Variants in HLCS observed in about 807,000 individuals in gnomAD.
HLCS encodes holocarboxylase synthetase, also known as biotin--protein ligase.
Under a neutral mutation model 75.0 loss-of-function variants are expected in HLCS, and 53 were observed. The ratio of observed to expected loss-of-function variants is 0.71; its 90% confidence interval spans 0.57 to 0.89. The LOEUF is 0.89. HLCS is among the 40% of genes least tolerant of loss of function. HLCS has a pLI of 0.00. For missense variants in HLCS, 966 were observed against 1,074.0 expected (o/e 0.90, Z 1.41); for synonymous variants, 431 against 428.6 (o/e 1.01, Z -0.07).
intron 6 of HLCS, among the ~76,000 whole-genome samples, chr21:36,833,571 T>G (rs2062291155): frequency 7.3e-6 from 1 of 136,680 alleles, no homozygotes; most frequent in Non-Finnish European, 1.6e-5. Flanking sequence ...AGGGAGAGAG[T>G]TGGAGACTGT....
chr21:36,772,306 G>A (rs1018450439), intron 6 of HLCS, among the ~76,000 whole-genome samples: 14 of 152,110 alleles, frequency 9.2e-5, no homozygotes, highest in East Asian at 7.7e-4. Flanking sequence ...AAACAGTATC[G>A]TAGAATGATT....
intron 6 of HLCS, among the ~76,000 whole-genome samples, chr21:36,874,868 G>T (rs975097964): frequency 6.6e-6 from 1 of 152,098 alleles, no homozygotes; most frequent in African/African-American, 2.4e-5. Context: ...TGCACTCTCG[G>T]GGGTCCAGGA....
intron 2 of HLCS, among the ~76,000 whole-genome samples, chr21:36,961,217 G>A (rs925543466): frequency 1.3e-5 from 2 of 152,236 alleles, no homozygotes; most frequent in Admixed American, 1.3e-4. Context: ...AGACGTTTAG[G>A]ACGTAGGTGG....
intron 5 of HLCS, among the ~76,000 whole-genome samples, chr21:36,924,339 G>C (rs2850120): frequency 0.46 from 69,291 of 152,008 alleles, 16,173 homozygotes; most frequent in Middle Eastern, 0.55. Flanking sequence ...GCAGGTGGAT[G>C]ACCTGAGGTC....
At chr21:36,818,182 G>C (rs1356874954) in intron 6 of HLCS, among the ~76,000 whole-genome samples, 2 of 152,192 alleles carry the variant, frequency 1.3e-5, no homozygotes, top group Non-Finnish European at 2.9e-5. Context: ...AGTCGGTGAG[G>C]GGGGCGGCCA....
chr21:36,820,373 G>C (rs1038115275), intron 6 of HLCS, among the ~76,000 whole-genome samples: 6 of 152,052 alleles, frequency 3.9e-5, no homozygotes, highest in Admixed American at 6.5e-5. Flanking sequence ...AGCCACGGCC[G>C]GGCCGCCGAC....
At chr21:36,930,520 TTA>T in intron 4 of HLCS, 87 bp from the exon 5 acceptor site, 6 of 1,185,630 alleles carry the variant, frequency 5.1e-6, no homozygotes, top group Non-Finnish European at 7.2e-6. Context: ...CTTTTTTTTT[TTA>T]AATTTAGAGA....
intron 6 of HLCS, among the ~76,000 whole-genome samples, chr21:36,855,907 AC>A (rs2063175576): frequency 6.6e-6 from 1 of 152,172 alleles, no homozygotes; most frequent in Admixed American, 6.5e-5. Flanking sequence ...AGAGATATGG[AC>A]ATGCTACAAC....
intron 5 of HLCS, among the ~76,000 whole-genome samples, chr21:36,900,600 G>A (rs1202188851): frequency 1.3e-5 from 2 of 152,148 alleles, no homozygotes; most frequent in Non-Finnish European, 1.5e-5. Context: ...ACCTCTGTTG[G>A]AGCAGGATCA....
At chr21:36,927,206 C>T (rs967290243) in intron 5 of HLCS, among the ~76,000 whole-genome samples, 7 of 152,212 alleles carry the variant, frequency 4.6e-5, no homozygotes, top group Non-Finnish European at 7.3e-5. Context: ...CCAGCTCAGC[C>T]GCCCACAGCC....
At chr21:36,759,616 A>C (rs904147514) in intron 9 of HLCS, 111 bp downstream of exon 9, 3 of 725,770 alleles carry the variant, frequency 4.1e-6, no homozygotes, top group Non-Finnish European at 7.5e-6. Flanking sequence ...CAAGACTCAA[A>C]GTAACCTCAT....
At chr21:36,866,552 A>G (rs1234706286) in intron 6 of HLCS, among the ~76,000 whole-genome samples, 1 of 152,200 alleles carries the variant, frequency 6.6e-6, no homozygotes, top group African/African-American at 2.4e-5. Flanking sequence ...CAGTCTAGGA[A>G]AGGTGGAGTC....
At chr21:36,967,680 G>A (rs887684462), upstream of HLCS, among the ~76,000 whole-genome samples, 4 of 152,222 alleles carry the variant, frequency 2.6e-5, no homozygotes, top group African/African-American at 9.6e-5. Context: ...TGCAGCAAAA[G>A]CAATCATGTA....
chr21:36,842,586 A>C lies in HLCS; in HGVS notation c.1892+54274T>G, dbSNP rs894943728. On this transcript the variant is annotated intron_variant, in intron 6 of 10. Coordinates refer to ENST00000674895, the MANE Select transcript of HLCS (RefSeq NM_001352514.2). The surrounding 1 kb of genome is among the most constrained non-coding windows in gnomAD (Gnocchi z 4.2). ...AAAACCTCATTTCTACTAAAAATAC[A>C]AAAGAAGTTGGCTGGGTGTGGTGAC... Among the ~76,000 whole-genome samples, 3 of 152,110 alleles carry C rather than the reference A, an allele frequency of 2.0e-5. No individual in the cohort carries two copies. Among genetic ancestry groups the C allele is most frequent in the Non-Finnish European group, 4.4e-5 (3 of 68,018 alleles).
At chr21:36,845,568 G>A (rs905657471) in intron 6 of HLCS, among the ~76,000 whole-genome samples, 2 of 152,070 alleles carry the variant, frequency 1.3e-5, no homozygotes, top group Non-Finnish European at 2.9e-5. Flanking sequence ...GCAGTAGCAG[G>A]GACACGCTCC....
intron 6 of HLCS, among the ~76,000 whole-genome samples, chr21:36,795,313 C>T (rs2060995130): frequency 6.6e-6 from 1 of 152,214 alleles, no homozygotes; most frequent in Non-Finnish European, 1.5e-5. Context: ...CTCAGCTAGC[C>T]AGCATCTAGG....
intron 6 of HLCS, among the ~76,000 whole-genome samples, chr21:36,843,632 GT>G (rs1299404443): frequency 6.6e-6 from 1 of 152,066 alleles, no homozygotes; most frequent in Admixed American, 6.6e-5. Context: ...AAAGTTACTA[GT>G]GTGCGCAAAG....
intron 2 of HLCS, among the ~76,000 whole-genome samples, chr21:36,958,253 A>AAAAG (rs1555969614): frequency 2.2e-4 from 30 of 135,930 alleles, no homozygotes; most frequent in African/African-American, 3.6e-4. Flanking sequence ...AAAAAAAAAA[A>AAAAG]AAAGAAAGAA....
At chr21:36,958,972 A>T (rs2068123983) in intron 2 of HLCS, among the ~76,000 whole-genome samples, 1 of 152,212 alleles carries the variant, frequency 6.6e-6, no homozygotes, top group Non-Finnish European at 1.5e-5. Flanking sequence ...GGAGCAGGGT[A>T]GGCGCGGCCA....
Sources: allele counts gnomAD v4.1 joint callset (sites outside exome capture counted in the v4.1 genomes callset), GRCh38; gene constraint gnomAD v4.1.1; non-coding constraint Gnocchi (gnomAD v3.1); transcripts MANE v1.5; gene names NCBI Gene and HGNC (gene_info 2026-07-23, HGNC 2026-07-21).